The following NFE2L2 variants were observed in gnomAD, a reference collection of about 807,000 sequenced individuals.
The protein encoded by NFE2L2 is nuclear factor erythroid 2-related factor 2.
NFE2L2 carries 20 observed loss-of-function variants against 49.6 expected under a neutral mutation model. That is an observed-to-expected ratio of 0.40 (90% CI 0.28 to 0.59). The LOEUF is 0.59. Ranked by LOEUF, NFE2L2 falls within the 20% of genes least tolerant of loss-of-function variation. The probability of loss-of-function intolerance (pLI) is 0.40; values close to 1 mark genes in which losing one functional copy is unlikely to be tolerated. For synonymous variants in NFE2L2, 244 were observed against 256.5 expected, an observed-to-expected ratio of 0.95 and a Z score of 0.47; for missense variants, 578 against 714.2, an observed-to-expected ratio of 0.81 and a Z score of 2.17.
intron 1 of NFE2L2, among the ~76,000 whole-genome samples, chr2:177,261,254 G>A (rs1649890801): frequency 6.6e-6 from 1 of 151,580 alleles, no homozygotes. Flanking sequence ...TCCTTAAAAG[G>A]ACCACAGTGG....
Position 177,231,023 on chromosome 2 carries a change from T to A in NFE2L2, c.1580A>T (p.Gln527Leu). Residue 527 changes from glutamine to leucine, a missense_variant, in exon 5 of 5, where the codon CAA becomes CTA. Physicochemically the swap from Gln to Leu is moderately radical, Grantham distance 113. This residue lies in a region of NFE2L2 where 117 missense variants were observed against 175.8 expected (regional missense o/e 0.67). Coordinates refer to ENST00000397062, the MANE Select transcript of NFE2L2 (RefSeq NM_006164.5). ...RKLENIVELE[Q>L]DLDHLKDEKE... Reference sequence around the variant, plus strand: ...TTCATCTTTCAAATGATCTAAATCTTGCTCTAGTTCTACTATATTTTCCAG... The same window carrying A: ...TTCATCTTTCAAATGATCTAAATCTAGCTCTAGTTCTACTATATTTTCCAG... 6.2e-7 allele frequency: 1 copy of A among 1,612,846 alleles called. No individual in the cohort carries two copies. The highest frequency in any genetic ancestry group is 8.5e-7 in the Non-Finnish European group (1 of 1,179,794).
chr2:177,253,715 C>T (rs756368109), intron 1 of NFE2L2, among the ~76,000 whole-genome samples: 6 of 152,142 alleles, frequency 3.9e-5, no homozygotes, highest in Non-Finnish European at 8.8e-5. Flanking sequence ...AATTATTTAA[C>T]ATCATTCCCA....
chr2:177,259,127 C>A (rs553961198), intron 1 of NFE2L2, among the ~76,000 whole-genome samples: 2 of 152,162 alleles, frequency 1.3e-5, no homozygotes, highest in Non-Finnish European at 2.9e-5. Flanking sequence ...CATAGTGAAA[C>A]TCCATCTCTA....
Position 177,230,350 on chromosome 2 carries a change from A to T in NFE2L2, c.*435T>A, listed in dbSNP as rs1057106. The T allele has an allele frequency of 2.6e-4, 53 of 204,854 alleles. No homozygotes were observed. Among genetic ancestry groups the T allele is most frequent in the East Asian group, 1.5e-3 (20 of 13,046 alleles). The allele number at this position is 204,854 out of a possible 1,614,324, so 12.7% of individuals were successfully genotyped here. A position where few individuals can be genotyped will look rare whatever the true frequency, so the allele number is the denominator to read the frequency against. ...TCCTTTATTAGTACCAGCTCTTAAA[A>T]TTTTTTTTTTTTGCCAGAGCTAAAC... is the stretch of plus-strand genomic sequence containing the variant. On this transcript the variant is annotated 3_prime_UTR_variant, in exon 5 of 5. Transcript: ENST00000397062.
At chr2:177,241,834 TAAAACAAAACAAAAGCA>T (rs949304368) in intron 1 of NFE2L2, among the ~76,000 whole-genome samples, 31 of 152,168 alleles carry the variant, frequency 2.0e-4, no homozygotes, top group African/African-American at 7.5e-4. Flanking sequence ...AGCCCTGTCT[TAAAACAAAACAAAAGCA>T]AAAACAAAAC....
intron 1 of NFE2L2, among the ~76,000 whole-genome samples, chr2:177,248,771 T>C (rs1321674355): frequency 6.6e-6 from 1 of 152,162 alleles, no homozygotes; most frequent in African/African-American, 2.4e-5. Context: ...CTCTGAATAT[T>C]GTGTGGTTCT....
At chr2:177,258,860 G>A (rs891010901) in intron 1 of NFE2L2, among the ~76,000 whole-genome samples, 25 of 152,174 alleles carry the variant, frequency 1.6e-4, no homozygotes, top group African/African-American at 6.0e-4. Context: ...GCTTGTCAGT[G>A]TACAGCTGAT....
chr2:177,259,574 C>T (rs996866578), intron 1 of NFE2L2, among the ~76,000 whole-genome samples: 1 of 152,094 alleles, frequency 6.6e-6, no homozygotes, highest in Non-Finnish European at 1.5e-5. Flanking sequence ...AAGGCTCAAA[C>T]TTTAGGTAGC....
intron 1 of NFE2L2, among the ~76,000 whole-genome samples, chr2:177,253,739 TA>T (rs1393488686): frequency 1.3e-5 from 2 of 152,218 alleles, no homozygotes; most frequent in Non-Finnish European, 2.9e-5. Flanking sequence ...ACAATACTTC[TA>T]AATTATTTCT....
intron 1 of NFE2L2, among the ~76,000 whole-genome samples, chr2:177,259,603 G>C (rs1449743285): frequency 5.3e-5 from 8 of 152,026 alleles, no homozygotes; most frequent in Non-Finnish European, 4.4e-5. Context: ...TTGTTTAACA[G>C]TCTTGTTTTC....
intron 1 of NFE2L2, among the ~76,000 whole-genome samples, chr2:177,262,568 CTTG>C (rs1314573468): frequency 6.6e-6 from 1 of 152,156 alleles, no homozygotes; most frequent in East Asian, 1.9e-4. Flanking sequence ...TCTAAATTTT[CTTG>C]TTCTTTTTCT....
intron 1 of NFE2L2, among the ~76,000 whole-genome samples, chr2:177,253,067 T>C (rs752059775): frequency 4.6e-5 from 7 of 152,232 alleles, no homozygotes; most frequent in Non-Finnish European, 8.8e-5. Context: ...TCAGCCCCAC[T>C]GGCCCAATAG....
rs776571948 is a variant in NFE2L2, at chr2:177,231,385, G to C, written c.1218C>G (p.Pro406=). Residue 406 remains proline (P), a synonymous_variant, in exon 5 of 5, where the codon CCC becomes CCG. Coordinates refer to ENST00000397062, the MANE Select transcript of NFE2L2 (RefSeq NM_006164.5). The part of the protein sequence containing the change: ...PVHSSGDMVQ[P]LSPSQGQSTH... ...TGCTCTGCCCCTGAGATGGTGACAAGGGTTGTACCATATCCCCAGAAGAAT... is the reference window on the plus strand; with the variant it reads ...TGCTCTGCCCCTGAGATGGTGACAACGGTTGTACCATATCCCCAGAAGAAT... The C allele has an allele frequency of 1.2e-6, 2 of 1,614,138 alleles. No individual in the cohort carries two copies. The highest frequency in any genetic ancestry group is 2.2e-5 in the South Asian group (2 of 91,094).
intron 1 of NFE2L2, among the ~76,000 whole-genome samples, chr2:177,259,300 T>TA (rs1690641203): frequency 6.6e-6 from 1 of 151,174 alleles, no homozygotes; most frequent in African/African-American, 2.4e-5. Flanking sequence ...AGACTCTGTC[T>TA]CAAAAAAAAA....
rs143406266 is a variant in NFE2L2 at position 177,264,662 on chromosome 2, TGGCGGCGGC to T, written c.-95_-87del. ...CGCGGCGCGGACAGGGCGGCTCTGG[TGGCGGCGGC>T]GGCGGCGGTGGCGGCTGCGTCGGCG... On this transcript the variant is annotated 5_prime_UTR_variant, in exon 1 of 5. Transcript: ENST00000397062. The T allele has an allele frequency of 5.7e-3, 6,670 of 1,176,900 alleles. 215 individuals are homozygous for T. In the African/African-American group the frequency reaches 0.082, roughly 14 times the overall value. 72.9% of individuals were successfully genotyped at this position (1,176,900 alleles called of 1,614,324 possible).
Position 177,231,527 on chromosome 2 carries a change from T to G in NFE2L2, c.1076A>C (p.His359Pro), listed in dbSNP as rs2105452851. The change falls in exon 5 of 5, where the codon CAC becomes CCC. Residue 359 changes from histidine (H) to proline (P), a missense_variant. Coordinates refer to ENST00000397062, the MANE Select transcript of NFE2L2 (RefSeq NM_006164.5). ...TCCATAGCTGGAAGATTCCACTGAG[T>G]GTTCTGGTGATGCCACACTGGGACT... ...NTSPSVASPE[H>P]SVESSSYGDT... 1 of 1,614,178 alleles carries G rather than the reference T, an allele frequency of 6.2e-7. No homozygotes were observed. The highest frequency in any genetic ancestry group is 8.5e-7 in the Non-Finnish European group (1 of 1,180,020).
chr2:177,232,002 T>G lies in NFE2L2; in HGVS notation c.601A>C (p.Asn201His). ...LLSIPELQCL[N>H]IENDKLVETT... Reference sequence around the variant, plus strand: ...TCAACCAGCTTGTCATTTTCAATATTAAGACACTGCATGAGAAGGAAGTTT... The same window carrying G: ...TCAACCAGCTTGTCATTTTCAATATGAAGACACTGCATGAGAAGGAAGTTT... Residue 201 changes from asparagine to histidine, a missense_variant, in exon 5 of 5, where the codon AAT becomes CAT. Asn to His is a moderately conservative substitution (Grantham distance 68). Around this residue, in one of 3 missense-constraint regions of NFE2L2, gnomAD observed 368 missense variants for 384.6 expected, o/e 0.96. Coordinates refer to ENST00000397062, the MANE Select transcript of NFE2L2 (RefSeq NM_006164.5). The G allele has an allele frequency of 6.3e-7, 1 of 1,598,170 alleles. No individual in the cohort carries two copies. Among genetic ancestry groups the G allele is most frequent in the Non-Finnish European group, 8.5e-7 (1 of 1,172,404 alleles).
chr2:177,233,679 A>C (rs1419613907), intron 2 of NFE2L2: 5 of 509,576 alleles, frequency 9.8e-6, no homozygotes, highest in Non-Finnish European at 1.7e-5. Context: ...ACACACAGTA[A>C]CGCCAGTAAT....
chr2:177,255,454 C>T (rs1241481344), intron 1 of NFE2L2, among the ~76,000 whole-genome samples: 1 of 152,176 alleles, frequency 6.6e-6, no homozygotes, highest in African/African-American at 2.4e-5. Context: ...ATTCTTGGTT[C>T]TGGTCTCTGC....
Sources: gnomAD v4.1 joint callset for allele counts (sites outside exome capture counted in the v4.1 genomes callset) on GRCh38, gnomAD v4.1.1 for gene constraint, gnomAD v4.1.1 regional missense constraint, MANE v1.5 for transcripts, NCBI Gene and HGNC (gene_info 2026-07-23, HGNC 2026-07-21) for gene names.